OXNAD1: variants seen among roughly 807,000 people sequenced by gnomAD.
OXNAD1 encodes the protein oxidoreductase NAD-binding domain-containing protein 1.
Under a neutral mutation model 32.9 loss-of-function variants are expected in OXNAD1, and 34 were observed. The ratio of observed to expected loss-of-function variants is 1.03; its 90% CI spans 0.79 to 1.38. The LOEUF is 1.38. OXNAD1 is among the 40% of genes most tolerant of loss of function. The pLI is 0.00. For synonymous variants in OXNAD1, 134 were observed against 135.2 expected, an observed-to-expected ratio of 0.99 and a Z score of 0.06; for missense variants, 407 against 379.4, an observed-to-expected ratio of 1.07 and a Z score of -0.60.
chr3:16,312,947 T>C lies in OXNAD1; in HGVS notation c.*30+9355T>C, dbSNP rs1033443605. Among the ~76,000 whole-genome samples, 4 of 152,176 alleles carry C rather than the reference T, an allele frequency of 2.6e-5. No individual in the cohort carries two copies. Among genetic ancestry groups the C allele is most frequent in the African/African-American group, 7.2e-5 (3 of 41,432 alleles). ...AGACTTTATAAATATTATTACAGTA[T>C]TTCTGTTAAGATGGGATATACTACG... On this transcript the variant is annotated intron_variant, in intron 9 of 9. Coordinates refer to the OXNAD1 transcript ENST00000435829. This position sits in a 1 kb window ranked among gnomAD's most constrained non-coding sequence, Gnocchi z 4.7.
chr3:16,267,140 C>T (rs1200400834), intron 1 of OXNAD1, among the ~76,000 whole-genome samples: 1 of 152,194 alleles, frequency 6.6e-6, no homozygotes, highest in African/African-American at 2.4e-5. Flanking sequence ...TCCTCTCACA[C>T]CCTGCCTAAT....
downstream of OXNAD1, among the ~76,000 whole-genome samples, chr3:16,307,791 G>C (rs5022485): frequency 0.65 from 97,880 of 151,738 alleles, 32,560 homozygotes; most frequent in African/African-American, 0.82. Context: ...GACAAGACAG[G>C]GTTCCTCTAT....
chr3:16,324,615 C>CG, intron 9 of OXNAD1, among the ~76,000 whole-genome samples: 1 of 141,392 alleles, frequency 7.1e-6, no homozygotes, highest in East Asian at 2.0e-4. Flanking sequence ...TGTCCCTGAC[C>CG]CCCCCCCTTT....
At chr3:16,347,235 A>C (rs1484887831) in intron 9 of OXNAD1, among the ~76,000 whole-genome samples, 1 of 152,206 alleles carries the variant, frequency 6.6e-6, no homozygotes, top group Non-Finnish European at 1.5e-5. Context: ...ACATGCAAAC[A>C]TACTGTCAAG....
rs141355379 is a variant in OXNAD1 at position 16,319,514 on chromosome 3, C to T, written c.*30+15922C>T. On this transcript the variant is annotated intron_variant, in intron 9 of 9. Coordinates refer to the OXNAD1 transcript ENST00000435829. Reference sequence around the variant, plus strand: ...TTCATATTGTATTTGATGTGAATAGCGCCCTCTGCTGTTGTGCAGTGTACA... The same window carrying T: ...TTCATATTGTATTTGATGTGAATAGTGCCCTCTGCTGTTGTGCAGTGTACA... Among the ~76,000 whole-genome samples the T allele has an allele frequency of 9.8e-4, 149 of 152,274 alleles. 1 individual carries two copies. Among genetic ancestry groups the T allele is most frequent in the African/African-American group, 3.2e-3 (135 of 41,562 alleles).
chr3:16,302,601 T>G lies in OXNAD1; in HGVS notation c.676-39T>G, dbSNP rs564878342. 36 of 1,437,656 alleles carry G rather than the reference T, an allele frequency of 2.5e-5. No individual in the cohort carries two copies. The African/African-American group carries it at 5.1e-4, about 20-fold the overall frequency. The allele number at this position is 1,437,656 out of a possible 1,614,324, so 89.1% of individuals were successfully genotyped here. A position where few individuals can be genotyped will look rare whatever the true frequency, so the allele number is the denominator to read the frequency against. On this transcript the variant is annotated intron_variant, in intron 7 of 8. Transcript: ENST00000285083. This position sits in a 1 kb window ranked among gnomAD's most constrained non-coding sequence, Gnocchi z 4.2. The stretch of plus-strand genomic sequence containing the variant: ...GGTTGTGCACATCTGTTTTGATTTT[T>G]TAAAATTGTAGTGTGACCAAATATG...
At chr3:16,349,334 C>G (rs1277932473) in exon 10 of OXNAD1, 1 of 152,228 alleles carries the variant, frequency 6.6e-6, no homozygotes, top group African/African-American at 2.4e-5. Context: ...TAAGGAAAAC[C>G]ACTGTGGCTG....
At chr3:16,333,213 A>C (rs562144525) in intron 9 of OXNAD1, among the ~76,000 whole-genome samples, 1 of 152,362 alleles carries the variant, frequency 6.6e-6, no homozygotes, top group South Asian at 2.1e-4. Flanking sequence ...AAAAAGCACA[A>C]AAATGTGAAA....
At chr3:16,318,861 C>G (rs2068726155) in intron 9 of OXNAD1, among the ~76,000 whole-genome samples, 1 of 152,204 alleles carries the variant, frequency 6.6e-6, no homozygotes, top group African/African-American at 2.4e-5. Context: ...GGAGCTTCTT[C>G]CACCCAAACT....
At chr3:16,330,560 T>G (rs1575000333) in intron 9 of OXNAD1, among the ~76,000 whole-genome samples, 1 of 152,334 alleles carries the variant, frequency 6.6e-6, no homozygotes, top group East Asian at 1.9e-4. Flanking sequence ...AAGACATTTC[T>G]TTCTCTGAGT....
At chr3:16,343,163 C>G (rs2071422546) in intron 9 of OXNAD1, among the ~76,000 whole-genome samples, 2 of 152,134 alleles carry the variant, frequency 1.3e-5, no homozygotes, top group South Asian at 4.2e-4. Context: ...TTAATAAGTC[C>G]TCAGGTGATT....
At position 16,299,016 on chromosome 3, in the gene OXNAD1, C is replaced by G. The variant is rs1334957947; in HGVS notation, c.433-2610C>G. Among the ~76,000 whole-genome samples the G allele has an allele frequency of 6.6e-6, 1 of 152,170 alleles. No homozygotes were observed. Among genetic ancestry groups the G allele is most frequent in the African/African-American group, 2.4e-5 (1 of 41,440 alleles). ...GACCTACCGAAGATTATTTTGTCGT[C>G]AAGGATAAGACAGGCTTCTTGAATA... On this transcript the variant is annotated intron_variant, in intron 6 of 8. Coordinates refer to ENST00000285083, the MANE Select transcript of OXNAD1 (RefSeq NM_138381.5). This position sits in a 1 kb window ranked among gnomAD's most constrained non-coding sequence, Gnocchi z 4.4.
chr3:16,292,346 C>A (rs1438106071), intron 5 of OXNAD1, among the ~76,000 whole-genome samples: 1 of 151,980 alleles, frequency 6.6e-6, no homozygotes, highest in African/African-American at 2.4e-5. Context: ...GCATCTGCCA[C>A]CATGCCCAGC....
intron 1 of OXNAD1, among the ~76,000 whole-genome samples, chr3:16,268,192 TA>T (rs1311775794): frequency 6.6e-6 from 1 of 152,042 alleles, no homozygotes; most frequent in Admixed American, 6.6e-5. Context: ...AGGACTGGCA[TA>T]AAGCTTTGGA....
In OXNAD1 at chr3:16,346,737, G is replaced by GA. The variant is rs553291019; in HGVS notation, c.*31-2433dup. 3.5e-4 allele frequency among the ~76,000 whole-genome samples: 54 copies of GA among 152,258 alleles called. No homozygotes were observed. The highest frequency in any genetic ancestry group is 6.8e-3 in the Middle Eastern group (2 of 294). On this transcript the variant is annotated intron_variant, in intron 9 of 9. Transcript: ENST00000606098. This position sits in a 1 kb window ranked among gnomAD's most constrained non-coding sequence, Gnocchi z 4.4. ...GCTAATAAAAAGGGACGTGTGGCAGGAAAAAACTGCCCCGTTCTTCACGGT... is the reference window on the plus strand; with the variant it reads ...GCTAATAAAAAGGGACGTGTGGCAGGAAAAAAACTGCCCCGTTCTTCACGGT...
chr3:16,279,142 A>G (rs957215305), intron 4 of OXNAD1, among the ~76,000 whole-genome samples: 1 of 152,188 alleles, frequency 6.6e-6, no homozygotes, highest in Non-Finnish European at 1.5e-5. Flanking sequence ...GCAGTGCTTG[A>G]CGCTCCTGGC....
At chr3:16,337,444 G>A (rs1298745672), downstream of OXNAD1, 2 of 152,150 alleles carry the variant, frequency 1.3e-5, no homozygotes, top group East Asian at 1.9e-4. The surrounding 1 kb of genome is among the most constrained non-coding windows in gnomAD (Gnocchi z 5.0). Context: ...TGTAATGAAA[G>A]TCACCTCATT....
At chr3:16,293,479 A>G (rs574936769) in intron 5 of OXNAD1, among the ~76,000 whole-genome samples, 16 of 152,222 alleles carry the variant, frequency 1.1e-4, no homozygotes, top group Admixed American at 2.6e-4. Context: ...CACCTCTGCA[A>G]TCTGAATGCC....
Position 16,337,285 on chromosome 3 carries a change from G to GA in OXNAD1, c.*209dup, listed in dbSNP as rs1219496757. On this transcript the variant is annotated 3_prime_UTR_variant, in exon 10 of 10. Transcript: ENST00000435829. The surrounding 1 kb of genome is among the most constrained non-coding windows in gnomAD (Gnocchi z 5.0). ...TTAGTCGATTTCCTAAAAGTTGAAG[G>GA]AAAAATCACCCAGCTGACCTGTTTG... is the stretch of plus-strand genomic sequence containing the variant. 6.6e-6 allele frequency: 1 copy of GA among 152,156 alleles called. No homozygotes were observed. The highest frequency in any genetic ancestry group is 1.5e-5 in the Non-Finnish European group (1 of 68,024). The allele number at this position is 152,156 out of a possible 1,614,324, so 9.4% of individuals were successfully genotyped here. A position where few individuals can be genotyped will look rare whatever the true frequency, so the allele number is the denominator to read the frequency against.
Sources: gnomAD v4.1 joint callset for allele counts (sites outside exome capture counted in the v4.1 genomes callset) on GRCh38, gnomAD v4.1.1 for gene constraint, Gnocchi (gnomAD v3.1) non-coding constraint, MANE v1.5 for transcripts, NCBI Gene and HGNC (gene_info 2026-07-23, HGNC 2026-07-21) for gene names.